Variants in CILK1 observed in about 807,000 individuals in gnomAD.
CILK1 encodes ciliogenesis associated kinase 1.
CILK1 carries 47 observed loss-of-function variants against 79.2 expected under a neutral mutation model. The observed-to-expected ratio is 0.59, with a 90% confidence interval of 0.47 to 0.76. CILK1 has a LOEUF of 0.76. CILK1 is among the 30% of genes least tolerant of loss of function. The pLI is 0.00. For synonymous variants in CILK1, 266 were observed against 275.9 expected, an observed-to-expected ratio of 0.96 and a Z score of 0.36; for missense variants, 660 against 769.5, an observed-to-expected ratio of 0.86 and a Z score of 1.68.
At chr6:53,027,909 A>G (rs1581715978) in intron 5 of CILK1, among the ~76,000 whole-genome samples, 1 of 152,102 alleles carries the variant, frequency 6.6e-6, no homozygotes, top group Admixed American at 6.5e-5. Context: ...GCACTTTGGG[A>G]GGCCGAGGCG....
chr6:53,027,178 A>G (rs977498108), intron 5 of CILK1, among the ~76,000 whole-genome samples: 1 of 152,240 alleles, frequency 6.6e-6, no homozygotes, highest in Non-Finnish European at 1.5e-5. Flanking sequence ...AAGGCAATGG[A>G]CTATCTCAAG....
intron 5 of CILK1, among the ~76,000 whole-genome samples, chr6:53,022,438 T>C (rs749115527): frequency 2.4e-4 from 36 of 152,346 alleles, no homozygotes; most frequent in Admixed American, 5.2e-4. Flanking sequence ...GCCTATAGTA[T>C]TCAGTACAGT....
At chr6:53,007,336 A>G (rs1764288524) in intron 12 of CILK1, among the ~76,000 whole-genome samples, 1 of 152,188 alleles carries the variant, frequency 6.6e-6, no homozygotes, top group South Asian at 2.1e-4. Flanking sequence ...TGTATTTTGT[A>G]CTTTGGTGAA....
At position 53,041,331 on chromosome 6, in the gene CILK1, G is replaced by A; in HGVS notation, c.-95C>T. The stretch of plus-strand genomic sequence containing the variant: ...TCCCCAGAGTGTAACCAGATTTTTC[G>A]ATGGCAGCACCAGCACAAGGTATTC... On this transcript the variant is annotated 5_prime_UTR_variant, in exon 2 of 14. It introduces an in-frame stop codon into an upstream open reading frame of the 5' UTR. Coordinates refer to ENST00000676107, the MANE Select transcript of CILK1 (RefSeq NM_014920.5). 4 of 817,230 alleles carry A rather than the reference G, an allele frequency of 4.9e-6. No homozygotes were observed. The highest frequency in any genetic ancestry group is 3.0e-4 in the Middle Eastern group (1 of 3,312). The allele number at this position is 817,230 out of a possible 1,614,324, so 50.6% of individuals were successfully genotyped here.
chr6:53,002,310 G>A lies in CILK1; in HGVS notation c.*2839C>T, dbSNP rs534574212. 2 of 152,274 alleles carry A rather than the reference G, an allele frequency of 1.3e-5. No homozygotes were observed. Among genetic ancestry groups the A allele is most frequent in the Admixed American group, 1.3e-4 (2 of 15,288 alleles). The allele number at this position is 152,274 out of a possible 1,614,324, so 9.4% of individuals were successfully genotyped here. A position where few individuals can be genotyped will look rare whatever the true frequency, so the allele number is the denominator to read the frequency against. ...CTGAATTTCTGTCTCATTTCGGCAC[G>A]AAATGAGAACCAACCCTGTATCATT... On this transcript the variant is annotated 3_prime_UTR_variant, in exon 14 of 14. Coordinates refer to ENST00000676107, the MANE Select transcript of CILK1 (RefSeq NM_014920.5).
At chr6:53,013,470 A>G (rs1365205914) in intron 9 of CILK1, among the ~76,000 whole-genome samples, 192 bp downstream of exon 9, 1 of 152,212 alleles carries the variant, frequency 6.6e-6, no homozygotes, top group Non-Finnish European at 1.5e-5. Flanking sequence ...AACGGTTTTA[A>G]CAGGCACAGC....
intron 1 of CILK1, among the ~76,000 whole-genome samples, chr6:53,049,494 A>G (rs1230187759): frequency 1.3e-5 from 2 of 152,232 alleles, no homozygotes; most frequent in Admixed American, 6.5e-5. Context: ...AACGGCCCTC[A>G]GTATCACTCC....
chr6:53,056,996 T>C lies in CILK1; in HGVS notation c.-173+4600A>G, dbSNP rs375637044. Among the ~76,000 whole-genome samples the C allele has an allele frequency of 6.6e-5, 10 of 152,318 alleles. No individual in the cohort carries two copies. The East Asian group carries it at 1.5e-3, about 23-fold the overall frequency. ...CTAAGATCACATGAAGGCATGTATA[T>C]CTTACATTTTTCTTACTCCCCTTTG... is the stretch of plus-strand genomic sequence containing the variant. On this transcript the variant is annotated intron_variant, in intron 1 of 13. Coordinates refer to ENST00000676107, the MANE Select transcript of CILK1 (RefSeq NM_014920.5).
intron 1 of CILK1, chr6:53,054,670 C>T (rs1052345167): frequency 2.0e-5 from 3 of 152,288 alleles, no homozygotes; most frequent in Non-Finnish European, 2.9e-5. Context: ...GCGGTCAGAT[C>T]AGGCCTTTGG....
chr6:53,054,399 T>C (rs147779054), intron 1 of CILK1, among the ~76,000 whole-genome samples: 2 of 152,360 alleles, frequency 1.3e-5, no homozygotes, highest in East Asian at 1.9e-4. Context: ...CAAAGATTGT[T>C]TGAAGGGCCC....
intron 2 of CILK1, among the ~76,000 whole-genome samples, chr6:53,040,373 T>C (rs902817201): frequency 6.6e-6 from 1 of 152,232 alleles, no homozygotes; most frequent in African/African-American, 2.4e-5. Flanking sequence ...ATGAAGCAAA[T>C]TGCCATGTTG....
chr6:53,052,422 GA>G (rs1248150717), intron 1 of CILK1, among the ~76,000 whole-genome samples: 3 of 152,112 alleles, frequency 2.0e-5, no homozygotes, highest in Non-Finnish European at 4.4e-5. Flanking sequence ...TCTGGGGGCT[GA>G]ATCCCAGATT....
chr6:53,033,095 T>C (rs930064557), intron 3 of CILK1, among the ~76,000 whole-genome samples: 2 of 152,228 alleles, frequency 1.3e-5, no homozygotes, highest in African/African-American at 4.8e-5. Flanking sequence ...TAGGAAATTG[T>C]TCAAAACGAC....
At chr6:53,013,433 T>G (rs536166475) in intron 9 of CILK1, among the ~76,000 whole-genome samples, 1 of 152,212 alleles carries the variant, frequency 6.6e-6, no homozygotes, top group Non-Finnish European at 1.5e-5. Context: ...TCCCAGCCAC[T>G]ACCCTATAGC....
At chr6:53,035,853 G>GT (rs1354911091) in intron 3 of CILK1, among the ~76,000 whole-genome samples, 1 of 152,088 alleles carries the variant, frequency 6.6e-6, no homozygotes, top group Non-Finnish European at 1.5e-5. Flanking sequence ...GAGGAATCTT[G>GT]TAAGGTGCGC....
At chr6:53,039,148 T>A (rs551061632) in intron 2 of CILK1, among the ~76,000 whole-genome samples, 1 of 152,246 alleles carries the variant, frequency 6.6e-6, no homozygotes, top group African/African-American at 2.4e-5. Context: ...TGCTATGTAG[T>A]ACAGTAGGTG....
chr6:53,036,140 G>C (rs1381403232), intron 3 of CILK1, among the ~76,000 whole-genome samples: 1 of 152,166 alleles, frequency 6.6e-6, no homozygotes, highest in Non-Finnish European at 1.5e-5. Flanking sequence ...CTGTATATAT[G>C]AGTAATCTCT....
At chr6:53,042,173 A>G (rs1308556424) in intron 1 of CILK1, among the ~76,000 whole-genome samples, 1 of 152,174 alleles carries the variant, frequency 6.6e-6, no homozygotes, top group Non-Finnish European at 1.5e-5. Context: ...TGCCCTTTAC[A>G]CCGTTCACTA....
At chr6:53,021,267 G>T (rs1195516392) in intron 5 of CILK1, among the ~76,000 whole-genome samples, 1 of 150,368 alleles carries the variant, frequency 6.7e-6, no homozygotes. Flanking sequence ...GGAGGTTGCA[G>T]TGAGCTGAGA....
Sources: gnomAD v4.1 joint callset for allele counts (sites outside exome capture counted in the v4.1 genomes callset) on GRCh38, gnomAD v4.1.1 for gene constraint, MANE v1.5 for transcripts, NCBI Gene and HGNC (gene_info 2026-07-23, HGNC 2026-07-21) for gene names.